PCBP3: variants seen among roughly 807,000 people sequenced by gnomAD.
PCBP3 encodes the protein poly(rC)-binding protein 3.
In PCBP3, 25 loss-of-function variants were observed where a neutral mutation model predicts 52.7. The ratio of observed to expected loss-of-function variants is 0.47; its 90% CI spans 0.35 to 0.66. The LOEUF (loss-of-function observed/expected upper bound fraction) is 0.66, where lower values mean the gene tolerates loss of function less well. Among genes scored for constraint, PCBP3 ranks in the 30% least tolerant of loss-of-function variants. PCBP3 has a pLI of 0.01. For synonymous variants in PCBP3, 162 were observed against 183.0 expected (o/e 0.89, Z 0.93); for missense variants, 391 against 490.3 (o/e 0.80, Z 1.91).
intron 4 of PCBP3, among the ~76,000 whole-genome samples, chr21:45,812,578 T>G (rs2092713462): frequency 6.6e-6 from 1 of 152,170 alleles, no homozygotes; most frequent in South Asian, 2.1e-4. Flanking sequence ...ATTTTTGTAT[T>G]TTTAGTACAA....
intron 4 of PCBP3, among the ~76,000 whole-genome samples, chr21:45,796,360 G>A (rs561527309): frequency 1.3e-5 from 2 of 152,318 alleles, no homozygotes; most frequent in East Asian, 1.9e-4. Flanking sequence ...TTTCATTTAG[G>A]AAGAGCTTTT....
intron 4 of PCBP3, among the ~76,000 whole-genome samples, chr21:45,759,413 C>T (rs1426490288): frequency 2.0e-5 from 3 of 152,194 alleles, no homozygotes; most frequent in Non-Finnish European, 2.9e-5. Context: ...ACAGCTTCCG[C>T]TAACATTCCA....
At chr21:45,782,291 A>G (rs1414230047) in intron 4 of PCBP3, among the ~76,000 whole-genome samples, 1 of 152,250 alleles carries the variant, frequency 6.6e-6, no homozygotes, top group African/African-American at 2.4e-5. Context: ...TGTTTTTTAA[A>G]AAAGAGAAAC....
At position 45,837,023 on chromosome 21, in the gene PCBP3, C is replaced by A. The variant is rs1015013970; in HGVS notation, c.-125-12938C>A. Among the ~76,000 whole-genome samples, 4 of 152,158 alleles carry A rather than the reference C, an allele frequency of 2.6e-5. No individual in the cohort carries two copies. ...TCCTGTGTGTTTCTTTTGGTGCACA[C>A]ATGAGGTGTTTTTGGTTTAAGGAAG... is the stretch of plus-strand genomic sequence containing the variant. On this transcript the variant is annotated intron_variant, in intron 4 of 17. Transcript: ENST00000681687. The surrounding 1 kb of genome is among the most constrained non-coding windows in gnomAD (Gnocchi z 4.1).
At chr21:45,646,178 C>T (rs924954041) in intron 1 of PCBP3, among the ~76,000 whole-genome samples, 2 of 142,982 alleles carry the variant, frequency 1.4e-5, no homozygotes, top group Non-Finnish European at 3.0e-5. Flanking sequence ...ACTTCCTTTC[C>T]AGTGTACTTT....
rs941020741 is a variant in PCBP3, at chr21:45,656,468, G to A, written c.-278-12406G>A. Among the ~76,000 whole-genome samples, 1 of 152,092 alleles carries A rather than the reference G, an allele frequency of 6.6e-6. No homozygotes were observed. The highest frequency in any genetic ancestry group is 2.4e-5 in the African/African-American group (1 of 41,388). On this transcript the variant is annotated intron_variant, in intron 1 of 17. Coordinates refer to ENST00000681687, the MANE Select transcript of PCBP3 (RefSeq NM_001384156.1). The surrounding 1 kb of genome is among the most constrained non-coding windows in gnomAD (Gnocchi z 4.3). ...TGAGAACACATGGACACAGGGAGGG[G>A]AACATCATACACCAGGGCCTGTCGG...
intron 5 of PCBP3, among the ~76,000 whole-genome samples, chr21:45,888,566 G>T (rs756625446): frequency 2.6e-5 from 4 of 152,190 alleles, no homozygotes; most frequent in Non-Finnish European, 4.4e-5. Flanking sequence ...GCCTGCTCCG[G>T]GGCAGGGCCC....
chr21:45,731,802 T>G (rs1479497609), intron 2 of PCBP3, among the ~76,000 whole-genome samples: 4 of 152,188 alleles, frequency 2.6e-5, no homozygotes, highest in Non-Finnish European at 5.9e-5. Context: ...ACCCTCTCAC[T>G]TCTGGCTATT....
At position 45,834,648 on chromosome 21, in the gene PCBP3, T is replaced by A. The variant is rs143447817; in HGVS notation, c.-125-15313T>A. On this transcript the variant is annotated intron_variant, in intron 4 of 17. Transcript: ENST00000681687. ...AGCGCCTCAGAGGCAGCAGCACCTG[T>A]GAGATGGCGTGCAGATGGAAGTAGG... Among the ~76,000 whole-genome samples the A allele has an allele frequency of 3.3e-5, 5 of 152,248 alleles. No individual in the cohort carries two copies. The East Asian group carries it at 9.7e-4, about 29-fold the overall frequency.
At chr21:45,745,456 G>A (rs551332365) in intron 3 of PCBP3, among the ~76,000 whole-genome samples, 3 of 152,172 alleles carry the variant, frequency 2.0e-5, no homozygotes, top group East Asian at 3.9e-4. Context: ...TGCCATTCTC[G>A]ATGTGTGGTT....
intron 2 of PCBP3, among the ~76,000 whole-genome samples, chr21:45,733,884 T>C (rs537868104): frequency 1.3e-5 from 2 of 152,318 alleles, no homozygotes; most frequent in East Asian, 3.9e-4. Context: ...GCTGTTTTAA[T>C]GTCTTTGTGT....
chr21:45,863,633 A>G (rs1330956220), intron 5 of PCBP3, among the ~76,000 whole-genome samples: 1 of 152,050 alleles, frequency 6.6e-6, no homozygotes, highest in Non-Finnish European at 1.5e-5. Flanking sequence ...CTCGGTGGAG[A>G]GCGAAGCACC....
intron 5 of PCBP3, among the ~76,000 whole-genome samples, chr21:45,852,148 T>G (rs962694606): frequency 2.0e-5 from 3 of 152,258 alleles, no homozygotes; most frequent in African/African-American, 7.2e-5. Context: ...GATATGCTAA[T>G]TTCCCTGGTT....
At chr21:45,940,323 T>C in intron 17 of PCBP3, 124 bp downstream of exon 17, 1 of 773,704 alleles carries the variant, frequency 1.3e-6, no homozygotes, top group Non-Finnish European at 2.0e-6. Context: ...CCTCCCCTTC[T>C]GTCCCCTCTG....
At chr21:45,649,756 A>G (rs2079556171) in intron 1 of PCBP3, among the ~76,000 whole-genome samples, 1 of 152,040 alleles carries the variant, frequency 6.6e-6, no homozygotes, top group South Asian at 2.1e-4. Flanking sequence ...TTTTCATTTA[A>G]AAGAAATGCT....
intron 2 of PCBP3, among the ~76,000 whole-genome samples, chr21:45,714,174 G>A (rs928788659): frequency 2.0e-5 from 3 of 152,064 alleles, no homozygotes; most frequent in Admixed American, 6.5e-5. Context: ...CTCTTCTCTC[G>A]ACTTTAAATA....
At chr21:45,672,514 A>G (rs150834667) in intron 2 of PCBP3, among the ~76,000 whole-genome samples, 53 of 152,060 alleles carry the variant, frequency 3.5e-4, no homozygotes, top group African/African-American at 1.2e-3. Flanking sequence ...TTTCTCCCCA[A>G]TTCTAGTAGC....
intron 6 of PCBP3, among the ~76,000 whole-genome samples, chr21:45,898,567 G>A (rs1477724393): frequency 4.8e-4 from 26 of 54,500 alleles, no homozygotes; most frequent in African/African-American, 1.2e-3. Context: ...CCCTCTACAC[G>A]CCATCCTCAC....
rs2093000220 is a variant in PCBP3 at position 45,817,470 on chromosome 21, C to T, written c.-125-32491C>T. On this transcript the variant is annotated intron_variant, in intron 4 of 17. Coordinates refer to ENST00000681687, the MANE Select transcript of PCBP3 (RefSeq NM_001384156.1). The surrounding 1 kb of genome is among the most constrained non-coding windows in gnomAD (Gnocchi z 4.3). Reference sequence around the variant, plus strand: ...TCTTCCTGCAGTTTGGGGGCCCCGTCTCCTCTTAGCTCTTGCCTCTGCTGT... The same window carrying T: ...TCTTCCTGCAGTTTGGGGGCCCCGTTTCCTCTTAGCTCTTGCCTCTGCTGT... Among the ~76,000 whole-genome samples the T allele has an allele frequency of 1.3e-5, 2 of 152,260 alleles. No individual in the cohort carries two copies. Among genetic ancestry groups the T allele is most frequent in the African/African-American group, 4.8e-5 (2 of 41,462 alleles).
Sources: allele counts gnomAD v4.1 joint callset (sites outside exome capture counted in the v4.1 genomes callset), GRCh38; gene constraint gnomAD v4.1.1; non-coding constraint Gnocchi (gnomAD v3.1); transcripts MANE v1.5; gene names NCBI Gene and HGNC (gene_info 2026-07-23, HGNC 2026-07-21).